The following AUTS2 variants were observed in gnomAD, a reference collection of about 807,000 sequenced individuals.
AUTS2 encodes the protein autism susceptibility gene 2 protein.
Under a neutral mutation model 112.4 loss-of-function variants are expected in AUTS2, and 17 were observed. That is an observed-to-expected ratio of 0.15 (90% CI 0.10 to 0.23). AUTS2 has a LOEUF of 0.23. Ranked by LOEUF, AUTS2 falls within the 10% of genes least tolerant of loss-of-function variation. The probability of loss-of-function intolerance (pLI) is 1.00; values close to 1 mark genes in which losing one functional copy is unlikely to be tolerated. For synonymous variants in AUTS2, 751 were observed against 702.7 expected (o/e 1.07, Z -1.09); for missense variants, 1,510 against 1,701.6 (o/e 0.89, Z 1.98).
chr7:70,789,060 A>C (rs1384282113), intron 18 of AUTS2, among the ~76,000 whole-genome samples: 4 of 152,066 alleles, frequency 2.6e-5, no homozygotes, highest in African/African-American at 9.7e-5. Flanking sequence ...TGCTTTTCCT[A>C]CTGCCTTCCC....
intron 4 of AUTS2, among the ~76,000 whole-genome samples, chr7:70,244,441 G>A (rs1285518438): frequency 6.6e-6 from 1 of 152,140 alleles, no homozygotes; most frequent in Non-Finnish European, 1.5e-5. Flanking sequence ...ATGAAATCCA[G>A]CAGCCAATCT....
chr7:70,395,505 AC>A (rs1794040669), intron 4 of AUTS2, among the ~76,000 whole-genome samples: 1 of 152,186 alleles, frequency 6.6e-6, no homozygotes, highest in Non-Finnish European at 1.5e-5. Flanking sequence ...AGCTCATCCA[AC>A]TGATAAAGGA....
chr7:70,768,745 G>A (rs1402287368), intron 10 of AUTS2, among the ~76,000 whole-genome samples: 1 of 152,020 alleles, frequency 6.6e-6, no homozygotes, highest in East Asian at 1.9e-4. Context: ...CTAAGTTATA[G>A]GTTCAGTTAA....
chr7:70,695,785 A>G (rs1809058764), intron 5 of AUTS2, among the ~76,000 whole-genome samples: 1 of 152,206 alleles, frequency 6.6e-6, no homozygotes, highest in Non-Finnish European at 1.5e-5. Context: ...CCAAAAAAAC[A>G]AAAAAACATA....
intron 1 of AUTS2, among the ~76,000 whole-genome samples, chr7:69,780,768 C>T (rs141472063): frequency 6.6e-6 from 1 of 152,328 alleles, no homozygotes; most frequent in Non-Finnish European, 1.5e-5. Context: ...AAATGAGACT[C>T]ATTAGTGGCT....
Position 70,617,556 on chromosome 7 carries a change from A to G in AUTS2, c.691-81013A>G, listed in dbSNP as rs542637892. 5.2e-4 allele frequency among the ~76,000 whole-genome samples: 79 copies of G among 152,168 alleles called. 2 individuals are homozygous for G. In the South Asian group the frequency reaches 8.3e-3, roughly 16 times the overall value. ...CGGGCGCCTGTAGTCCCAGCTACTC[A>G]GGAGGCTGAGGCAGGAGAATGGCAT... is the stretch of plus-strand genomic sequence containing the variant. On this transcript the variant is annotated intron_variant, in intron 5 of 18. Coordinates refer to ENST00000342771, the MANE Select transcript of AUTS2 (RefSeq NM_015570.4).
intron 5 of AUTS2, among the ~76,000 whole-genome samples, chr7:70,613,508 C>T (rs1035373087): frequency 6.6e-6 from 1 of 152,100 alleles, no homozygotes; most frequent in African/African-American, 2.4e-5. Context: ...AGTCTCCCTC[C>T]TCCCAGGCTG....
intron 1 of AUTS2, among the ~76,000 whole-genome samples, chr7:69,747,784 G>GGTGGGTGT: frequency 6.9e-6 from 1 of 144,604 alleles, no homozygotes; most frequent in Non-Finnish European, 1.5e-5. Context: ...GAAGGAGAGG[G>GGTGGGTGT]GTGTGTGTGT....
chr7:70,676,792 A>C (rs1483329105), intron 5 of AUTS2, among the ~76,000 whole-genome samples: 1 of 151,662 alleles, frequency 6.6e-6, no homozygotes, highest in East Asian at 2.0e-4. Flanking sequence ...CAGAAGAATC[A>C]CTTGAACCCA....
chr7:70,290,818 T>A, intron 4 of AUTS2: 2 of 290,962 alleles, frequency 6.9e-6, no homozygotes, highest in Non-Finnish European at 5.9e-6. Flanking sequence ...AGTCATTACA[T>A]AGTGTGTATA....
At chr7:70,123,298 ATTAAT>A (rs1250951278) in intron 3 of AUTS2, among the ~76,000 whole-genome samples, 1 of 152,162 alleles carries the variant, frequency 6.6e-6, no homozygotes, top group East Asian at 1.9e-4. Context: ...AGAATTAACA[ATTAAT>A]TTATTTTTTT....
chr7:69,870,500 A>G (rs1232677966), intron 1 of AUTS2, among the ~76,000 whole-genome samples: 1 of 115,076 alleles, frequency 8.7e-6, no homozygotes, highest in East Asian at 2.7e-4. Context: ...ACACACAGAC[A>G]TATGTAAGTA....
chr7:69,882,701 C>T (rs1794107912), intron 1 of AUTS2, among the ~76,000 whole-genome samples: 1 of 152,052 alleles, frequency 6.6e-6, no homozygotes, highest in South Asian at 2.1e-4. Flanking sequence ...TTATTCGCTC[C>T]ATTTTATATA....
At chr7:70,729,032 A>G (rs1787202238) in intron 6 of AUTS2, 1 of 382,980 alleles carries the variant, frequency 2.6e-6, no homozygotes. Context: ...CAGGATTAGC[A>G]GCCTGGGAGG....
intron 6 of AUTS2, among the ~76,000 whole-genome samples, chr7:70,710,029 G>C (rs1361292409): frequency 6.6e-6 from 1 of 152,172 alleles, no homozygotes; most frequent in Non-Finnish European, 1.5e-5. Flanking sequence ...TTAACCTCCA[G>C]AATAAGAGTA....
rs988610174 is a variant in AUTS2, at chr7:70,717,000, T to A, written c.742+18380T>A. Among the ~76,000 whole-genome samples, 53 of 60,542 alleles carry A rather than the reference T, an allele frequency of 8.8e-4. No individual in the cohort carries two copies. The East Asian group carries it at 0.072, about 82-fold the overall frequency. 39.7% of individuals were successfully genotyped at this position (60,542 alleles called of 152,430 possible). On this transcript the variant is annotated intron_variant, in intron 6 of 18. Transcript: ENST00000342771. The stretch of plus-strand genomic sequence containing the variant: ...TGGAAATCTCAGTGGAGTTATTTTT[T>A]TTTTTTTTTTTTTTATTACTGTTTA...
rs148885312 is a variant in AUTS2 at position 70,435,625 on chromosome 7, G to A, written c.661-127G>A. 416 of 903,916 alleles carry A rather than the reference G, an allele frequency of 4.6e-4. 5 individuals carry two copies. In the African/African-American group the frequency reaches 5.8e-3, roughly 13 times the overall value. 56.0% of individuals were successfully genotyped at this position (903,916 alleles called of 1,614,324 possible). On this transcript the variant is annotated intron_variant, in intron 4 of 18. Coordinates refer to ENST00000342771, the MANE Select transcript of AUTS2 (RefSeq NM_015570.4). ...TGGAGAAACTCTTTCTTTCCAGGAA[G>A]ACAGCATTTTTTATTTCCTTTACTT...
rs778785768 is a variant in AUTS2, at chr7:69,599,797, C to G, written c.144C>G (p.Leu48=). 6.3e-7 allele frequency: 1 copy of G among 1,586,172 alleles called. No individual in the cohort carries two copies. The highest frequency in any genetic ancestry group is 1.1e-5 in the South Asian group (1 of 88,558). The change falls in exon 1 of 19, where the codon CTC becomes CTG. Residue 48 remains leucine (L), a synonymous_variant. Coordinates refer to ENST00000342771, the MANE Select transcript of AUTS2 (RefSeq NM_015570.4). This position sits in a 1 kb window ranked among gnomAD's most constrained non-coding sequence, Gnocchi z 7.0. ...GGAGRTRALS[L]ASSSGSDKED... Reference sequence around the variant, plus strand: ...CTGGCCGGACCCGGGCGCTCTCACTCGCCTCGTCGTCGGGCTCCGACAAGG... The same window carrying G: ...CTGGCCGGACCCGGGCGCTCTCACTGGCCTCGTCGTCGGGCTCCGACAAGG...
intron 15 of AUTS2, chr7:70,784,662 C>T (rs2129560464): frequency 2.2e-6 from 1 of 458,396 alleles, no homozygotes; most frequent in East Asian, 4.1e-5. Context: ...GTGTCATCGG[C>T]TTAAAAAAGA....
Sources: gnomAD v4.1 joint callset for allele counts (sites outside exome capture counted in the v4.1 genomes callset) on GRCh38, gnomAD v4.1.1 for gene constraint, Gnocchi (gnomAD v3.1) non-coding constraint, MANE v1.5 for transcripts, NCBI Gene and HGNC (gene_info 2026-07-23, HGNC 2026-07-21) for gene names.